Variants in GXYLT2 observed in about 807,000 individuals in gnomAD.
The protein encoded by GXYLT2 is glucoside xylosyltransferase 2.
GXYLT2 carries 53 observed loss-of-function variants against 45.8 expected under a neutral mutation model. That is an observed-to-expected ratio of 1.16 (90% confidence interval 0.93 to 1.46). The LOEUF (loss-of-function observed/expected upper bound fraction) is 1.46, where lower values mean the gene tolerates loss of function less well. Among genes scored for constraint, GXYLT2 ranks in the 40% most tolerant of loss-of-function variants. The probability of loss-of-function intolerance (pLI) is 0.00; values close to 1 mark genes in which losing one functional copy is unlikely to be tolerated. For missense variants in GXYLT2, 551 were observed against 544.4 expected, an observed-to-expected ratio of 1.01 and a Z score of -0.12; for synonymous variants, 219 against 214.2, an observed-to-expected ratio of 1.02 and a Z score of -0.19.
Position 72,898,365 on chromosome 3 carries a change from G to C in GXYLT2, c.275+9857G>C, listed in dbSNP as rs145245034. Among the ~76,000 whole-genome samples, 487 of 152,154 alleles carry C rather than the reference G, an allele frequency of 3.2e-3. 3 individuals carry two copies. The highest frequency in any genetic ancestry group is 0.014 in the South Asian group (69 of 4,818). On this transcript the variant is annotated intron_variant, in intron 1 of 6. Transcript: ENST00000389617. ...AATTCTTCTCCCTCGTATGTCAACAGCCATTTATTTCAAACTAGCGCTGCA... is the reference window on the plus strand; with the variant it reads ...AATTCTTCTCCCTCGTATGTCAACACCCATTTATTTCAAACTAGCGCTGCA...
chr3:72,930,580 T>TTTC (rs796266621), intron 3 of GXYLT2, among the ~76,000 whole-genome samples: 5 of 134,606 alleles, frequency 3.7e-5, no homozygotes, highest in African/African-American at 1.4e-4. Flanking sequence ...TCTTTTTCTT[T>TTTC]TTCTTCTTCT....
chr3:72,889,484 C>G (rs913910961), intron 1 of GXYLT2, among the ~76,000 whole-genome samples: 2 of 152,160 alleles, frequency 1.3e-5, no homozygotes, highest in East Asian at 3.8e-4. Context: ...CAAGAAGTAG[C>G]TGTGTCAGCC....
chr3:72,915,682 C>T (rs1363686282), intron 2 of GXYLT2, among the ~76,000 whole-genome samples: 1 of 152,012 alleles, frequency 6.6e-6, no homozygotes, highest in Non-Finnish European at 1.5e-5. Context: ...ACTAAAAATA[C>T]AAAAATTAGC....
chr3:72,928,906 G>C, intron 3 of GXYLT2: 1 of 690,652 alleles, frequency 1.4e-6, no homozygotes, highest in Non-Finnish European at 2.6e-6. Flanking sequence ...GACGGAACCC[G>C]GCGTTCGTCC....
intron 2 of GXYLT2, among the ~76,000 whole-genome samples, chr3:72,918,869 C>T (rs1575788965): frequency 6.6e-6 from 1 of 152,082 alleles, no homozygotes; most frequent in South Asian, 2.1e-4. Flanking sequence ...GGCAAACAAG[C>T]ATATGAAAAG....
chr3:72,966,458 C>T (rs1336723150), intron 5 of GXYLT2, among the ~76,000 whole-genome samples: 11 of 101,606 alleles, frequency 1.1e-4, no homozygotes, highest in Admixed American at 2.6e-4. Context: ...TTGTGTGTAT[C>T]TTTTTTTTTT....
At chr3:72,909,800 A>G (rs1709585048) in intron 2 of GXYLT2, among the ~76,000 whole-genome samples, 1 of 152,230 alleles carries the variant, frequency 6.6e-6, no homozygotes, top group Non-Finnish European at 1.5e-5. Context: ...AAATGGTGGC[A>G]GAGCGAGAAG....
At position 72,969,909 on chromosome 3, in the gene GXYLT2, G is replaced by GAA. The variant is rs113943491; in HGVS notation, c.1149+2201_1149+2202dup. 6.2e-4 allele frequency among the ~76,000 whole-genome samples: 64 copies of GAA among 103,442 alleles called. 3 individuals are homozygous for GAA. The highest frequency in any genetic ancestry group is 5.3e-3 in the East Asian group (12 of 2,268). The allele number at this position is 103,442 out of a possible 152,430, so 67.9% of individuals were successfully genotyped here. A position where few individuals can be genotyped will look rare whatever the true frequency, so the allele number is the denominator to read the frequency against. On this transcript the variant is annotated intron_variant, in intron 6 of 6. Transcript: ENST00000389617. ...TTTTTGTGTATGAAAATGTGCATTT[G>GAA]AAAAAAAAAAAACAAAAACATTTAA... is the stretch of plus-strand genomic sequence containing the variant.
rs114089333 is a variant in GXYLT2, at chr3:72,898,384, C to T, written c.275+9876C>T. 6.0e-3 allele frequency among the ~76,000 whole-genome samples: 916 copies of T among 152,136 alleles called. 13 individuals are homozygous for T. The highest frequency in any genetic ancestry group is 0.021 in the African/African-American group (872 of 41,494). Reference sequence around the variant, plus strand: ...TCAACAGCCATTTATTTCAAACTAGCGCTGCAGATTCATATTTTAAAATCT... The same window carrying T: ...TCAACAGCCATTTATTTCAAACTAGTGCTGCAGATTCATATTTTAAAATCT... On this transcript the variant is annotated intron_variant, in intron 1 of 6. Coordinates refer to ENST00000389617, the MANE Select transcript of GXYLT2 (RefSeq NM_001080393.2).
intron 3 of GXYLT2, among the ~76,000 whole-genome samples, chr3:72,952,130 G>A (rs1448465038): frequency 6.6e-6 from 1 of 151,652 alleles, no homozygotes; most frequent in Admixed American, 6.6e-5. Context: ...AGCCTCTCGA[G>A]TATCTTGAAT....
At chr3:72,950,198 C>T (rs1310910464) in intron 3 of GXYLT2, among the ~76,000 whole-genome samples, 1 of 152,110 alleles carries the variant, frequency 6.6e-6, no homozygotes, top group African/African-American at 2.4e-5. Context: ...CAGTGGCTTA[C>T]ACCTGTAATC....
At chr3:72,937,737 T>TCCC (rs1330745447) in intron 3 of GXYLT2, among the ~76,000 whole-genome samples, 1 of 152,142 alleles carries the variant, frequency 6.6e-6, no homozygotes, top group Non-Finnish European at 1.5e-5. Context: ...TTAGGAAAAT[T>TCCC]CCCCTGAACC....
At chr3:72,954,685 G>A (rs1303823167) in intron 3 of GXYLT2, among the ~76,000 whole-genome samples, 1 of 145,348 alleles carries the variant, frequency 6.9e-6, no homozygotes, top group African/African-American at 2.6e-5. Flanking sequence ...AATAGAGATT[G>A]TCCACTTCAG....
chr3:72,937,959 G>A (rs970275020), intron 3 of GXYLT2, among the ~76,000 whole-genome samples: 14 of 152,028 alleles, frequency 9.2e-5, no homozygotes, highest in African/African-American at 3.1e-4. Flanking sequence ...CCCTCTCAGG[G>A]CAAGGATCTT....
chr3:72,917,593 T>C (rs71300551), intron 2 of GXYLT2, among the ~76,000 whole-genome samples: 14,392 of 150,994 alleles, frequency 0.095, 704 homozygotes, highest in South Asian at 0.13. Flanking sequence ...CTTGTCTCAG[T>C]AAAAAATAGA....
chr3:72,909,094 C>T (rs1466186769), intron 2 of GXYLT2, among the ~76,000 whole-genome samples: 4 of 117,850 alleles, frequency 3.4e-5, no homozygotes, highest in African/African-American at 1.0e-4. Flanking sequence ...TTTGAGACAG[C>T]GGCTCACTCT....
At chr3:72,944,362 C>T (rs550836141) in intron 3 of GXYLT2, among the ~76,000 whole-genome samples, 12 of 151,412 alleles carry the variant, frequency 7.9e-5, no homozygotes, top group African/African-American at 2.7e-4. Context: ...TCAAGTGATT[C>T]TCCTGCCTCA....
At chr3:72,947,286 C>G (rs1238461221) in intron 3 of GXYLT2, among the ~76,000 whole-genome samples, 2 of 152,052 alleles carry the variant, frequency 1.3e-5, no homozygotes, top group Non-Finnish European at 2.9e-5. Flanking sequence ...GAATTAGGAG[C>G]TCATTGGCTT....
chr3:72,900,035 T>A (rs1008831620), intron 1 of GXYLT2, among the ~76,000 whole-genome samples: 1 of 152,204 alleles, frequency 6.6e-6, no homozygotes, highest in Admixed American at 6.5e-5. Context: ...AGCTTGACAG[T>A]TCAGGAGAAG....
Sources: allele counts gnomAD v4.1 joint callset (sites outside exome capture counted in the v4.1 genomes callset), GRCh38; gene constraint gnomAD v4.1.1; transcripts MANE v1.5; gene names NCBI Gene and HGNC (gene_info 2026-07-23, HGNC 2026-07-21).